SPAG16: variants seen among roughly 807,000 people sequenced by gnomAD.
SPAG16 encodes sperm associated antigen 16, also known as sperm-associated antigen 16 protein.
A neutral mutation model predicts 80.4 loss-of-function variants in SPAG16; 86 were observed. The ratio of observed to expected loss-of-function variants is 1.07; its 90% CI spans 0.90 to 1.28. The LOEUF (loss-of-function observed/expected upper bound fraction) is 1.28, where lower values mean the gene tolerates loss of function less well. Among genes scored for constraint, SPAG16 ranks in the 50% most tolerant of loss-of-function variants. SPAG16 has a pLI of 0.00. For missense variants in SPAG16, 870 were observed against 765.3 expected (o/e 1.14, Z -1.61); for synonymous variants, 294 against 265.9 (o/e 1.11, Z -1.03).
chr2:214,019,754 A>AC (rs2047765519), intron 13 of SPAG16, among the ~76,000 whole-genome samples: 1 of 151,910 alleles, frequency 6.6e-6, no homozygotes, highest in South Asian at 2.1e-4. Context: ...GGAAGCTTGT[A>AC]CCTCTCTCTT....
intron 10 of SPAG16, among the ~76,000 whole-genome samples, chr2:213,574,798 A>T (rs2060062485): frequency 6.6e-6 from 1 of 151,402 alleles, no homozygotes; most frequent in Non-Finnish European, 1.5e-5. Context: ...TGCAATGTGC[A>T]GCATGGGACA....
intron 15 of SPAG16, among the ~76,000 whole-genome samples, chr2:214,219,691 T>C (rs899444874): frequency 6.6e-6 from 1 of 152,166 alleles, no homozygotes. Flanking sequence ...TACATCACAA[T>C]ATTTTATTCC....
chr2:213,488,669 A>C (rs558070666), intron 9 of SPAG16, among the ~76,000 whole-genome samples: 47 of 152,304 alleles, frequency 3.1e-4, no homozygotes, highest in African/African-American at 1.0e-3. Flanking sequence ...ATTAAACCAC[A>C]GTGTTAATAG....
intron 15 of SPAG16, among the ~76,000 whole-genome samples, chr2:214,295,551 G>A (rs1026879597): frequency 3.9e-5 from 6 of 152,144 alleles, no homozygotes; most frequent in African/African-American, 1.4e-4. Context: ...AGCACTTTGG[G>A]AGGCCGAGGT....
chr2:214,347,930 A>G (rs1434476644), intron 15 of SPAG16, among the ~76,000 whole-genome samples: 4 of 152,232 alleles, frequency 2.6e-5, no homozygotes, highest in Non-Finnish European at 5.9e-5. Context: ...CTCAGAGGAC[A>G]GAGCCAAGAT....
At chr2:213,849,978 G>A (rs553986359) in intron 10 of SPAG16, among the ~76,000 whole-genome samples, 3 of 152,254 alleles carry the variant, frequency 2.0e-5, no homozygotes, top group South Asian at 4.1e-4. Flanking sequence ...GTAACATGAA[G>A]CACAGTATAT....
At chr2:214,155,630 G>A (rs2056180456) in intron 15 of SPAG16, among the ~76,000 whole-genome samples, 1 of 152,074 alleles carries the variant, frequency 6.6e-6, no homozygotes, top group Non-Finnish European at 1.5e-5. Flanking sequence ...GTGACACCAT[G>A]CCTGAGGGTA....
chr2:213,916,448 C>T (rs1222311318), intron 11 of SPAG16, among the ~76,000 whole-genome samples: 1 of 152,086 alleles, frequency 6.6e-6, no homozygotes, highest in Non-Finnish European at 1.5e-5. Context: ...ATTTCTGAGG[C>T]CTCTGTTCTG....
chr2:213,904,265 G>C (rs1179614344), intron 11 of SPAG16, among the ~76,000 whole-genome samples: 7 of 152,126 alleles, frequency 4.6e-5, no homozygotes, highest in Non-Finnish European at 1.0e-4. Context: ...ACATACTGGA[G>C]ACTGGGAAGA....
At chr2:214,319,200 C>CCCCACACACACACACACACA (rs1553554493) in intron 15 of SPAG16, among the ~76,000 whole-genome samples, 1 of 142,242 alleles carries the variant, frequency 7.0e-6, no homozygotes, top group Non-Finnish European at 1.5e-5. Context: ...CACACACACA[C>CCCCACACACACACACACACA]CACACACACA....
chr2:213,500,665 G>A (rs767152612), intron 10 of SPAG16, among the ~76,000 whole-genome samples: 18 of 152,226 alleles, frequency 1.2e-4, no homozygotes, highest in Non-Finnish European at 2.4e-4. Context: ...GGGCCTAGAA[G>A]AAAAGGACAG....
intron 9 of SPAG16, among the ~76,000 whole-genome samples, chr2:213,422,787 G>A (rs1207614612): frequency 6.6e-6 from 1 of 152,222 alleles, no homozygotes; most frequent in African/African-American, 2.4e-5. Flanking sequence ...CTAGATGAAG[G>A]ATTAGCCCTG....
intron 12 of SPAG16, among the ~76,000 whole-genome samples, chr2:213,976,593 G>T (rs1329237012): frequency 6.6e-6 from 1 of 152,026 alleles, no homozygotes; most frequent in Non-Finnish European, 1.5e-5. Flanking sequence ...TGTGCATGGA[G>T]AAATTTTCTT....
chr2:214,286,296 G>A (rs1693354324), intron 15 of SPAG16, among the ~76,000 whole-genome samples: 1 of 152,108 alleles, frequency 6.6e-6, no homozygotes, highest in Non-Finnish European at 1.5e-5. Context: ...TTGTGTACTT[G>A]AAATTTGCTA....
At chr2:214,042,831 A>G (rs889447542) in intron 13 of SPAG16, among the ~76,000 whole-genome samples, 3 of 152,012 alleles carry the variant, frequency 2.0e-5, no homozygotes, top group African/African-American at 7.2e-5. Context: ...AAAAAATTCC[A>G]CCTTTGTTAG....
At chr2:214,379,949 GA>G (rs1700353201) in intron 15 of SPAG16, among the ~76,000 whole-genome samples, 1 of 152,142 alleles carries the variant, frequency 6.6e-6, no homozygotes, top group Admixed American at 6.5e-5. Flanking sequence ...TGGTCTCCAG[GA>G]AACAGCTCCA....
chr2:214,140,970 A>AG (rs1301064337), intron 14 of SPAG16, among the ~76,000 whole-genome samples: 1 of 146,746 alleles, frequency 6.8e-6, no homozygotes, highest in Non-Finnish European at 1.5e-5. Context: ...GATGTGACAG[A>AG]GAGAGAGATA....
chr2:213,969,835 C>T (rs568685985), intron 12 of SPAG16, among the ~76,000 whole-genome samples: 2 of 152,120 alleles, frequency 1.3e-5, no homozygotes, highest in East Asian at 1.9e-4. Flanking sequence ...AAAAAACACC[C>T]TTTAGCCACT....
chr2:214,069,754 C>T (rs1246138818), intron 13 of SPAG16, among the ~76,000 whole-genome samples: 2 of 151,642 alleles, frequency 1.3e-5, no homozygotes, highest in Non-Finnish European at 1.5e-5. Context: ...TCTATATCTA[C>T]TCATATATAC....
Sources: allele counts gnomAD v4.1 joint callset (sites outside exome capture counted in the v4.1 genomes callset), GRCh38; gene constraint gnomAD v4.1.1; transcripts MANE v1.5; gene names NCBI Gene and HGNC (gene_info 2026-07-23, HGNC 2026-07-21).